Variants in TYW1B observed in about 807,000 individuals in gnomAD.
TYW1B encodes the protein tRNA-yW synthesizing protein 1 homolog B.
In TYW1B, 73 loss-of-function variants were observed where a neutral mutation model predicts 86.9. The observed-to-expected ratio is 0.84, with a 90% CI of 0.70 to 1.02. The LOEUF (loss-of-function observed/expected upper bound fraction) is 1.02, where lower values mean the gene tolerates loss of function less well. TYW1B is among the 50% of genes least tolerant of loss of function. TYW1B has a pLI of 0.00. For synonymous variants in TYW1B, 248 were observed against 292.8 expected (o/e 0.85, Z 1.56); for missense variants, 637 against 827.4 (o/e 0.77, Z 2.82).
intron 5 of TYW1B, among the ~76,000 whole-genome samples, chr7:72,804,904 A>G (rs1393075752): frequency 6.6e-6 from 1 of 152,184 alleles, no homozygotes; most frequent in Non-Finnish European, 1.5e-5. Flanking sequence ...ACTCTCCTTG[A>G]TAACTTCTCC....
rs199818733 is a variant in TYW1B, at chr7:72,628,967, C to T, written c.1537G>A (p.Val513Met). The change falls in exon 12 of 14, where the codon GTG becomes ATG. Residue 513 changes from valine to methionine, a missense_variant. Val to Met is a conservative substitution (Grantham distance 21). Coordinates refer to ENST00000620995, the MANE Select transcript of TYW1B (RefSeq NM_001145440.3). ...AGCTCGTCCACGTTCCATGCTTTCA[C>T]GAGCATCAGTCTGTAGACAGTTCGT... ...QQRTVYRLML[V>M]KAWNVDELQA... The T allele has an allele frequency of 3.7e-4, 588 of 1,581,452 alleles. 4 individuals are homozygous for T. Among genetic ancestry groups the T allele is most frequent in the Non-Finnish European group, 4.6e-4 (541 of 1,164,242 alleles).
intron 11 of TYW1B, among the ~76,000 whole-genome samples, chr7:72,664,405 C>T (rs1427138709): frequency 2.0e-5 from 3 of 152,070 alleles, no homozygotes; most frequent in Non-Finnish European, 4.4e-5. Flanking sequence ...CCCTATTCTC[C>T]CCTTTGTCCT....
rs545455520 is a variant in TYW1B, at chr7:72,628,769, C to T, written c.1617+118G>A. ...ATGAATATCGATCACGAAATGAATA[C>T]ATCAATAAAATTCCTGGGACCTCTA... On this transcript the variant is annotated intron_variant, in intron 12 of 13. Coordinates refer to ENST00000620995, the MANE Select transcript of TYW1B (RefSeq NM_001145440.3). 33 of 710,048 alleles carry T rather than the reference C, an allele frequency of 4.6e-5. No individual in the cohort carries two copies. In the South Asian group the frequency reaches 5.7e-4, roughly 12 times the overall value. The allele number at this position is 710,048 out of a possible 1,614,324, so 44.0% of individuals were successfully genotyped here.
At chr7:72,752,760 A>AAAC (rs1787522627) in intron 7 of TYW1B, among the ~76,000 whole-genome samples, 1 of 89,938 alleles carries the variant, frequency 1.1e-5, no homozygotes, top group East Asian at 2.6e-4. Flanking sequence ...AACAAACAAA[A>AAAC]AAACCTCATC....
chr7:72,806,994 AG>A (rs1268128260), intron 5 of TYW1B, 71 bp downstream of exon 5: 2 of 1,542,078 alleles, frequency 1.3e-6, no homozygotes, highest in African/African-American at 2.7e-5. Context: ...TGGTTTATTG[AG>A]GAAGAGCTCA....
At chr7:72,729,232 C>T (rs1395886920) in intron 8 of TYW1B, among the ~76,000 whole-genome samples, 1 of 152,156 alleles carries the variant, frequency 6.6e-6, no homozygotes, top group African/African-American at 2.4e-5. Flanking sequence ...TGAATGTACA[C>T]AAACAAGGCA....
At chr7:72,716,121 T>TA (rs1369249936) in intron 9 of TYW1B, among the ~76,000 whole-genome samples, 1 of 152,150 alleles carries the variant, frequency 6.6e-6, no homozygotes, top group Admixed American at 6.5e-5. Context: ...GTATTTTTAG[T>TA]AGAGATGGGG....
chr7:72,785,496 A>G (rs1788113716), intron 6 of TYW1B, among the ~76,000 whole-genome samples: 1 of 150,770 alleles, frequency 6.6e-6, no homozygotes, highest in Non-Finnish European at 1.5e-5. Flanking sequence ...ACAAGAAAAT[A>G]CAGTGTGGCT....
At chr7:72,819,342 T>C (rs1586009604) in intron 2 of TYW1B, among the ~76,000 whole-genome samples, 1 of 152,166 alleles carries the variant, frequency 6.6e-6, no homozygotes, top group Non-Finnish European at 1.5e-5. Flanking sequence ...GTTGAGAGTA[T>C]ACTGGAGTCA....
intron 12 of TYW1B, 150 bp downstream of exon 12, chr7:72,628,737 G>A: frequency 1.6e-6 from 1 of 627,558 alleles, no homozygotes; most frequent in Non-Finnish European, 2.8e-6. Context: ...ACAATTCCAG[G>A]TTCTTGATGA....
At chr7:72,580,470 A>G (rs1288791246) in intron 13 of TYW1B, among the ~76,000 whole-genome samples, 3 of 152,314 alleles carry the variant, frequency 2.0e-5, no homozygotes, top group African/African-American at 7.2e-5. Flanking sequence ...AATAAACTCA[A>G]AAGGTCATAA....
At chr7:72,786,813 G>A (rs1788138107) in intron 6 of TYW1B, among the ~76,000 whole-genome samples, 2 of 151,938 alleles carry the variant, frequency 1.3e-5, no homozygotes, top group African/African-American at 4.8e-5. Context: ...GAGCTCAAGC[G>A]ATCCACCTGC....
At chr7:72,644,717 A>T (rs539691516) in intron 11 of TYW1B, among the ~76,000 whole-genome samples, 1 of 152,228 alleles carries the variant, frequency 6.6e-6, no homozygotes, top group East Asian at 1.9e-4. Flanking sequence ...TGGGGAAAAA[A>T]ATCCCCACTT....
chr7:72,596,005 A>G (rs1489140398), intron 13 of TYW1B, among the ~76,000 whole-genome samples: 1 of 151,578 alleles, frequency 6.6e-6, no homozygotes, highest in Non-Finnish European at 1.5e-5. Context: ...GTGAAATCCC[A>G]TCTCTACTAA....
intron 8 of TYW1B, among the ~76,000 whole-genome samples, chr7:72,738,298 T>G (rs1787236352): frequency 6.6e-6 from 1 of 151,634 alleles, no homozygotes; most frequent in Non-Finnish European, 1.5e-5. Flanking sequence ...TTGGCCAGGC[T>G]GGTCTTGAAC....
chr7:72,700,341 AT>A (rs1182826093), intron 10 of TYW1B, among the ~76,000 whole-genome samples: 1 of 151,212 alleles, frequency 6.6e-6, no homozygotes, highest in Non-Finnish European at 1.5e-5. Flanking sequence ...CGCCCAGCTA[AT>A]TTTTTGTATT....
intron 9 of TYW1B, chr7:72,722,754 C>T: frequency 3.2e-6 from 1 of 313,410 alleles, no homozygotes; most frequent in South Asian, 6.2e-5. Flanking sequence ...TCCCCACAGC[C>T]AGTTCCACCT....
intron 13 of TYW1B, among the ~76,000 whole-genome samples, chr7:72,609,262 A>G (rs1811875002): frequency 1.3e-5 from 2 of 152,144 alleles, no homozygotes; most frequent in African/African-American, 4.8e-5. Context: ...TCCCAGGATT[A>G]TTAGTAGAAA....
At chr7:72,756,848 TA>T (rs1162511732) in intron 7 of TYW1B, among the ~76,000 whole-genome samples, 2 of 152,180 alleles carry the variant, frequency 1.3e-5, no homozygotes, top group Non-Finnish European at 2.9e-5. Context: ...GACGTTTCTC[TA>T]AGGAAGATAT....
Sources: allele counts gnomAD v4.1 joint callset (sites outside exome capture counted in the v4.1 genomes callset), GRCh38; gene constraint gnomAD v4.1.1; transcripts MANE v1.5; gene names NCBI Gene and HGNC (gene_info 2026-07-23, HGNC 2026-07-21).